Variants in ZFTA observed in about 807,000 individuals in gnomAD.
ZFTA encodes zinc finger translocation-associated protein.
ZFTA carries 35 observed loss-of-function variants against 41.8 expected under a neutral mutation model. The observed-to-expected ratio is 0.84, with a 90% CI of 0.64 to 1.11. ZFTA has a LOEUF of 1.11. ZFTA is among the 50% of genes most tolerant of loss of function. ZFTA has a pLI of 0.00. For synonymous variants in ZFTA, 514 were observed against 436.4 expected, an observed-to-expected ratio of 1.18 and a Z score of -2.22; for missense variants, 964 against 989.8, an observed-to-expected ratio of 0.97 and a Z score of 0.35.
Position 63,764,244 on chromosome 11 carries a change from C to A in ZFTA, c.1379G>T (p.Arg460Leu). 2 of 1,450,512 alleles carry A rather than the reference C, an allele frequency of 1.4e-6. No homozygotes were observed. The highest frequency in any genetic ancestry group is 1.8e-6 in the Non-Finnish European group (2 of 1,108,490). The allele number at this position is 1,450,512 out of a possible 1,614,324, so 89.9% of individuals were successfully genotyped here. Residue 460 changes from arginine to leucine, a missense_variant, in exon 4 of 5, where the codon CGG (arginine) becomes CTG (leucine). Around this residue, in one of 5 missense-constraint regions of ZFTA, gnomAD observed 584 missense variants for 523.1 expected, o/e 1.12. Transcript: ENST00000433688. ...KMSTIERHIR[R>L]RHPGSTRLGG... Reference sequence around the variant, plus strand: ...GAGGCGCGTGGAGCCCGGGTGGCGCCGGCGGATGTGGCGCTCGATGGTGCT... The same window carrying A: ...GAGGCGCGTGGAGCCCGGGTGGCGCAGGCGGATGTGGCGCTCGATGGTGCT...
At chr11:63,767,434 A>G (rs2014763307) in intron 1 of ZFTA, 1 of 152,198 alleles carries the variant, frequency 6.6e-6, no homozygotes, top group African/African-American at 2.4e-5. Context: ...TTCACTGGTA[A>G]CTTGCTCTGT....
chr11:63,763,948 A>G, intron 4 of ZFTA, 79 bp from the exon 5 acceptor site: 2 of 1,355,302 alleles, frequency 1.5e-6, no homozygotes, highest in Admixed American at 3.4e-5. Context: ...CAGTCACCCC[A>G]TCTTTGCCCT....
At position 63,768,772 on chromosome 11, in the gene ZFTA, C is replaced by T. The variant is rs1273590676; in HGVS notation, c.-150G>A. 1.6e-5 allele frequency: 3 copies of T among 185,408 alleles called. No homozygotes were observed. Among genetic ancestry groups the T allele is most frequent in the Non-Finnish European group, 3.0e-5 (3 of 100,374 alleles). 11.5% of individuals were successfully genotyped at this position (185,408 alleles called of 1,614,324 possible). A position where few individuals can be genotyped will look rare whatever the true frequency, so the allele number is the denominator to read the frequency against. On this transcript the variant is annotated 5_prime_UTR_variant, in exon 1 of 5. Coordinates refer to ENST00000433688, the MANE Select transcript of ZFTA (RefSeq NM_001144936.2). ...CCGCACGGACGGCAGGCTGCTCGCT[C>T]GGCGGCGCGGGCTGGACCGGGGTGG...
At position 63,764,054 on chromosome 11, in the gene ZFTA, C is replaced by T. The variant is rs560809792; in HGVS notation, c.1569G>A (p.Glu523=). The change falls in exon 4 of 5, where the codon GAG becomes GAA. Residue 523 remains glutamate, a synonymous_variant. Coordinates refer to ENST00000433688, the MANE Select transcript of ZFTA (RefSeq NM_001144936.2). ...GGGDEEEEPE[E]EEEEWGDVPL... The stretch of plus-strand genomic sequence containing the variant: ...ACCGCTCACCCCACTCCTCCTCCTC[C>T]TCCTCTGGCTCCTCCTCCTCGTCCC... 1.9e-3 allele frequency: 2,544 copies of T among 1,340,292 alleles called. 3 individuals carry two copies. The highest frequency in any genetic ancestry group is 2.1e-3 in the Non-Finnish European group (2,197 of 1,048,070). 83.0% of individuals were successfully genotyped at this position (1,340,292 alleles called of 1,614,324 possible).
rs1200929668 is a variant in ZFTA at position 63,763,497 on chromosome 11, T to G, written c.1958A>C (p.His653Pro). The change falls in exon 5 of 5, where the codon CAC becomes CCC. Residue 653 changes from histidine to proline, a missense_variant. By Grantham distance (77) the His-to-Pro change is moderately conservative. Transcript: ENST00000433688. The part of the protein sequence containing the change: ...YEEAALRCYG[H>P]EGFGPPAPAP... ...CGGGGCGGGCGGCCCGAAGCCCTCG[T>G]GGCCGTAGCAGCGCAGCGCCGCCTC... 2 of 1,533,400 alleles carry G rather than the reference T, an allele frequency of 1.3e-6. No individual in the cohort carries two copies. The highest frequency in any genetic ancestry group is 8.8e-7 in the Non-Finnish European group (1 of 1,138,126). The allele number at this position is 1,533,400 out of a possible 1,614,324, so 95.0% of individuals were successfully genotyped here.
At chr11:63,767,689 G>A (rs568413682) in intron 1 of ZFTA, 1 of 152,400 alleles carries the variant, frequency 6.6e-6, no homozygotes, top group African/African-American at 2.4e-5. Flanking sequence ...AGTCTCCCTG[G>A]CCTGGAGGAA....
intron 3 of ZFTA, 69 bp downstream of exon 3, chr11:63,764,799 A>G (rs962472369): frequency 2.1e-6 from 3 of 1,423,856 alleles, no homozygotes; most frequent in Non-Finnish European, 2.7e-6. Context: ...CCTGCCTCCC[A>G]GTTTTGGCCA....
In ZFTA at chr11:63,762,031, C is replaced by T. The variant is rs560832467; in HGVS notation, c.*1387G>A. 6.6e-6 allele frequency: 1 copy of T among 152,562 alleles called. No homozygotes were observed. The highest frequency in any genetic ancestry group is 2.4e-5 in the African/African-American group (1 of 41,590). The allele number at this position is 152,562 out of a possible 1,614,324, so 9.5% of individuals were successfully genotyped here. On this transcript the variant is annotated 3_prime_UTR_variant, in exon 5 of 5. Coordinates refer to ENST00000433688, the MANE Select transcript of ZFTA (RefSeq NM_001144936.2). ...CAAGTTCCACCCACTAGCCTCCCCGCCCCGGCTTTAGGACCGCGGGAACTG... is the reference window on the plus strand; with the variant it reads ...CAAGTTCCACCCACTAGCCTCCCCGTCCCGGCTTTAGGACCGCGGGAACTG...
chr11:63,759,967 C>A lies in ZFTA; in HGVS notation c.*3451G>T, dbSNP rs1283283308. 6.6e-6 allele frequency: 1 copy of A among 152,170 alleles called. No individual in the cohort carries two copies. The highest frequency in any genetic ancestry group is 1.5e-5 in the Non-Finnish European group (1 of 68,024). The allele number at this position is 152,170 out of a possible 1,614,324, so 9.4% of individuals were successfully genotyped here. ...AAGTAAGAACCAAACACTGCTTCCACTCCCCCTATCCTCACTCCACTTTGG... is the reference window on the plus strand; with the variant it reads ...AAGTAAGAACCAAACACTGCTTCCAATCCCCCTATCCTCACTCCACTTTGG... On this transcript the variant is annotated 3_prime_UTR_variant, in exon 5 of 5. Coordinates refer to ENST00000433688, the MANE Select transcript of ZFTA (RefSeq NM_001144936.2).
intron 1 of ZFTA, among the ~76,000 whole-genome samples, chr11:63,766,593 TCTGTAAGGTGC>T (rs1437226118): frequency 1.3e-5 from 2 of 152,126 alleles, no homozygotes; most frequent in Admixed American, 1.3e-4. Context: ...GCCAACCAGC[TCTGTAAGGTGC>T]CCTTTCTGGA....
At position 63,765,530 on chromosome 11, in the gene ZFTA, A is replaced by G. The variant is rs184269840; in HGVS notation, c.638-276T>C. ...TCCCCTTCCCTCACCCACCCCAGCCAGGCCTCCCTGCTCCAAGCCTTTCCA... is the reference window on the plus strand; with the variant it reads ...TCCCCTTCCCTCACCCACCCCAGCCGGGCCTCCCTGCTCCAAGCCTTTCCA... On this transcript the variant is annotated intron_variant, in intron 2 of 4. Transcript: ENST00000433688. The surrounding 1 kb of genome is among the most constrained non-coding windows in gnomAD (Gnocchi z 4.0). Among the ~76,000 whole-genome samples, 62 of 150,320 alleles carry G rather than the reference A, an allele frequency of 4.1e-4. No individual in the cohort carries two copies. Among genetic ancestry groups the G allele is most frequent in the Middle Eastern group, 3.4e-3 (1 of 294 alleles).
intron 1 of ZFTA, among the ~76,000 whole-genome samples, chr11:63,768,271 G>T (rs2014779309): frequency 2.0e-5 from 3 of 149,702 alleles, no homozygotes; most frequent in Admixed American, 2.0e-4. Context: ...TAAGGGGGAG[G>T]CGAGCCGCCC....
At chr11:63,764,691 C>G in intron 3 of ZFTA, 93 bp from the exon 4 acceptor site, 1 of 1,331,068 alleles carries the variant, frequency 7.5e-7, no homozygotes. Flanking sequence ...CTCACCCCAG[C>G]CCCAAGCTAG....
intron 1 of ZFTA, among the ~76,000 whole-genome samples, chr11:63,768,203 T>C (rs2014777987): frequency 6.6e-6 from 1 of 151,506 alleles, no homozygotes; most frequent in Non-Finnish European, 1.5e-5. Context: ...CCCTGCCCCG[T>C]GGGGCCCCTC....
rs866073357 is a variant in ZFTA at position 63,768,693 on chromosome 11, G to A, written c.-71C>T. The A allele has an allele frequency of 2.3e-4, 174 of 751,214 alleles. 3 individuals are homozygous for A. In the South Asian group the frequency reaches 9.3e-3, roughly 40 times the overall value. 46.5% of individuals were successfully genotyped at this position (751,214 alleles called of 1,614,324 possible). ...CGCGGGGCCGGCGGCAGCCCGCGCGGAGCGCTCGCTGCGCGGGGCCCCGGG... is the reference window on the plus strand; with the variant it reads ...CGCGGGGCCGGCGGCAGCCCGCGCGAAGCGCTCGCTGCGCGGGGCCCCGGG... On this transcript the variant is annotated 5_prime_UTR_variant, in exon 1 of 5. Coordinates refer to ENST00000433688, the MANE Select transcript of ZFTA (RefSeq NM_001144936.2).
chr11:63,765,671 G>C lies in ZFTA; in HGVS notation c.637+136C>G, dbSNP rs370720136. The C allele has an allele frequency of 2.1e-5, 25 of 1,203,110 alleles. No homozygotes were observed. The South Asian group carries it at 4.0e-4, about 19-fold the overall frequency. 74.5% of individuals were successfully genotyped at this position (1,203,110 alleles called of 1,614,324 possible). A position where few individuals can be genotyped will look rare whatever the true frequency, so the allele number is the denominator to read the frequency against. On this transcript the variant is annotated intron_variant, in intron 2 of 4. Transcript: ENST00000433688. The surrounding 1 kb of genome is among the most constrained non-coding windows in gnomAD (Gnocchi z 4.0). ...TCCTTCCCCCACCTTTGTATAATAA[G>C]GGCAATAAACAGACCCCACCCAGAG... is the stretch of plus-strand genomic sequence containing the variant.
At position 63,766,250 on chromosome 11, in the gene ZFTA, AG is replaced by A. The variant is rs1284173834; in HGVS notation, c.193del (p.Leu65CysfsTer50). ...TGGTCCCCTGGCCCTGGAGGAGGGCAGGGGGGCACTCCCCCAGGACCCCAAG... is the reference window on the plus strand; with the variant it reads ...TGGTCCCCTGGCCCTGGAGGAGGGCAGGGGGCACTCCCCCAGGACCCCAAG... ...GALGSWGSAP[L>X]PSSRARGPAS... On this transcript the variant is annotated frameshift_variant, in exon 2 of 5. Coordinates refer to ENST00000433688, the MANE Select transcript of ZFTA (RefSeq NM_001144936.2). LOFTEE classifies it high-confidence loss of function. 4.6e-6 allele frequency: 7 copies of A among 1,522,924 alleles called. No homozygotes were observed. Among genetic ancestry groups the A allele is most frequent in the Admixed American group, 4.3e-5 (2 of 46,468 alleles). 94.3% of individuals were successfully genotyped at this position (1,522,924 alleles called of 1,614,324 possible).
rs2014703526 is a variant in ZFTA at position 63,764,138 on chromosome 11, G to C, written c.1485C>G (p.Pro495=). 1 of 1,343,608 alleles carries C rather than the reference G, an allele frequency of 7.4e-7. No individual in the cohort carries two copies. Among genetic ancestry groups the C allele is most frequent in the South Asian group, 1.9e-5 (1 of 52,794 alleles). The allele number at this position is 1,343,608 out of a possible 1,614,324, so 83.2% of individuals were successfully genotyped here. A position where few individuals can be genotyped will look rare whatever the true frequency, so the allele number is the denominator to read the frequency against. ...GGGGGATGGGGCCCTGGGGGGACTC[G>C]GGGCGGGGCGGCCCCAGGGCCAGCA... ...AHLLALGPPR[P]ESPQGPIPPG... is the part of the protein sequence containing the mutation. The change falls in exon 4 of 5, where the codon CCC becomes CCG. Residue 495 remains proline, a synonymous_variant. Coordinates refer to ENST00000433688, the MANE Select transcript of ZFTA (RefSeq NM_001144936.2).
chr11:63,763,952 T>C lies in ZFTA; in HGVS notation c.1586-83A>G. The C allele has an allele frequency of 3.0e-6, 4 of 1,352,198 alleles. No individual in the cohort carries two copies. In the South Asian group the frequency reaches 5.0e-5, roughly 17 times the overall value. 83.8% of individuals were successfully genotyped at this position (1,352,198 alleles called of 1,614,324 possible). A position where few individuals can be genotyped will look rare whatever the true frequency, so the allele number is the denominator to read the frequency against. On this transcript the variant is annotated intron_variant, in intron 4 of 4. Transcript: ENST00000433688. ...CGTCTCATCTCCAGTCACCCCATCT[T>C]TGCCCTTCTATCCCATCCTCCAGTC...
Sources: allele counts gnomAD v4.1 joint callset (sites outside exome capture counted in the v4.1 genomes callset), GRCh38; gene constraint gnomAD v4.1.1; regional missense constraint gnomAD v4.1.1; non-coding constraint Gnocchi (gnomAD v3.1); transcripts MANE v1.5; gene names NCBI Gene and HGNC (gene_info 2026-07-23, HGNC 2026-07-21).